The following NCAPD2 variants were observed in gnomAD, a reference collection of about 807,000 sequenced individuals.
NCAPD2 encodes condensin complex subunit 1.
A neutral mutation model predicts 164.5 loss-of-function variants in NCAPD2; 100 were observed. The observed-to-expected ratio is 0.61, with a 90% CI of 0.52 to 0.72. The LOEUF is 0.72. NCAPD2 is among the 30% of genes least tolerant of loss of function. The pLI is 0.00. For synonymous variants in NCAPD2, 585 were observed against 642.6 expected, an observed-to-expected ratio of 0.91 and a Z score of 1.36; for missense variants, 1,560 against 1,749.2, an observed-to-expected ratio of 0.89 and a Z score of 1.93.
chr12:6,518,522 T>TGTTTTTTG (rs1946232194), intron 13 of NCAPD2, among the ~76,000 whole-genome samples: 1 of 119,586 alleles, frequency 8.4e-6, no homozygotes, highest in Non-Finnish European at 1.7e-5. Context: ...TTTTTTTTTT[T>TGTTTTTTG]TTTTTTTTTT....
intron 29 of NCAPD2, 127 bp downstream of exon 29, chr12:6,530,085 C>A: frequency 2.0e-6 from 2 of 1,017,346 alleles, no homozygotes; most frequent in Non-Finnish European, 2.8e-6. Flanking sequence ...GGGTTGCAAC[C>A]AAATTGCCAG....
At position 6,529,929 on chromosome 12, in the gene NCAPD2, C is replaced by A; in HGVS notation, c.3808C>A (p.Leu1270Met). The A allele has an allele frequency of 6.2e-7, 1 of 1,614,000 alleles. No homozygotes were observed. The highest frequency in any genetic ancestry group is 8.5e-7 in the Non-Finnish European group (1 of 1,179,890). ...TGCTTTTTTGTCAGTTGTAGGCAAG[C>A]TGCGACGTGGGGCCAAGCCTGAGGG... The part of the protein sequence containing the change: ...FSAFLSVVGK[L>M]RRGAKPEGKA... The change falls in exon 29 of 32, where the codon CTG (leucine) becomes ATG (methionine). Residue 1270 changes from leucine (L) to methionine (M), a missense_variant. Transcript: ENST00000315579.
chr12:6,526,355 G>C lies in NCAPD2; in HGVS notation c.2550G>C (p.Arg850=). 2 of 1,614,112 alleles carry C rather than the reference G, an allele frequency of 1.2e-6. No individual in the cohort carries two copies. The highest frequency in any genetic ancestry group is 1.7e-6 in the Non-Finnish European group (2 of 1,180,010). ...AACACAGGTTGTTTGAGCGACTGCG[G>C]GAGACAGTCACAAAAGGTGAGCTCT... is the stretch of plus-strand genomic sequence containing the variant. ...PQEHRLFERL[R]ETVTKGFVHP... The change falls in exon 20 of 32, where the codon CGG becomes CGC. Residue 850 remains arginine (R), a synonymous_variant. Coordinates refer to ENST00000315579, the MANE Select transcript of NCAPD2 (RefSeq NM_014865.4).
chr12:6,512,721 A>G (rs1488805664), intron 6 of NCAPD2, among the ~76,000 whole-genome samples: 1 of 152,320 alleles, frequency 6.6e-6, no homozygotes, highest in Non-Finnish European at 1.5e-5. Flanking sequence ...GAAATCGACT[A>G]TGGAGGGAAA....
intron 2 of NCAPD2, among the ~76,000 whole-genome samples, chr12:6,502,673 A>G (rs930917166): frequency 2.0e-5 from 3 of 151,862 alleles, no homozygotes; most frequent in Admixed American, 6.6e-5. Context: ...TATAAGGCCG[A>G]GTGTGGTGGC....
chr12:6,522,005 T>C lies in NCAPD2; in HGVS notation c.1922T>C (p.Ile641Thr). Residue 641 changes from isoleucine (I) to threonine (T), a missense_variant, in exon 15 of 32, where the codon ATC (isoleucine) becomes ACC (threonine). Coordinates refer to ENST00000315579, the MANE Select transcript of NCAPD2 (RefSeq NM_014865.4). ...SRKITEAIGI[I>T]SKMMYENTTT... Reference sequence around the variant, plus strand: ...AAGATTACAGAGGCCATTGGCATCATCAGCAAGATGATGTATGAAAACACA... The same window carrying C: ...AAGATTACAGAGGCCATTGGCATCACCAGCAAGATGATGTATGAAAACACA... 1.9e-6 allele frequency: 3 copies of C among 1,614,158 alleles called. No homozygotes were observed. The highest frequency in any genetic ancestry group is 2.5e-6 in the Non-Finnish European group (3 of 1,180,002).
chr12:6,518,504 G>GTTTTTTTTTTTTTTTGT (rs1946227130), intron 13 of NCAPD2, among the ~76,000 whole-genome samples: 6 of 44,782 alleles, frequency 1.3e-4, no homozygotes, highest in African/African-American at 5.1e-4. Flanking sequence ...CCGTCAACAA[G>GTTTTTTTTTTTTTTTGT]TTTTTTTTTT....
At position 6,528,884 on chromosome 12, in the gene NCAPD2, G is replaced by C; in HGVS notation, c.3477+28G>C. The C allele has an allele frequency of 6.2e-7, 1 of 1,613,038 alleles. No homozygotes were observed. Among genetic ancestry groups the C allele is most frequent in the African/African-American group, 1.3e-5 (1 of 75,042 alleles). The stretch of plus-strand genomic sequence containing the variant: ...GAGAGGCAGAGAGGCACTGAGGGCT[G>C]GCTGCAGAGGGAATCTGTAGGTCAC... On this transcript the variant is annotated intron_variant, in intron 26 of 31. Transcript: ENST00000315579. This position sits in a 1 kb window ranked among gnomAD's most constrained non-coding sequence, Gnocchi z 5.1.
Position 6,531,296 on chromosome 12 carries a change from C to G in NCAPD2, c.4121-31C>G. The G allele has an allele frequency of 6.2e-7, 1 of 1,600,034 alleles. No homozygotes were observed. The highest frequency in any genetic ancestry group is 8.5e-7 in the Non-Finnish European group (1 of 1,170,000). On this transcript the variant is annotated intron_variant, in intron 31 of 31. Coordinates refer to ENST00000315579, the MANE Select transcript of NCAPD2 (RefSeq NM_014865.4). This position sits in a 1 kb window ranked among gnomAD's most constrained non-coding sequence, Gnocchi z 4.1. ...TTTTTTCACCATCTTTGTGACTCAG[C>G]TTTTTCTTATTCCTTTAATTCTTTG...
In NCAPD2 at chr12:6,528,526, TC is replaced by T. The variant is rs1462256757; in HGVS notation, c.3300-148del. The T allele has an allele frequency of 1.7e-6, 2 of 1,143,282 alleles. No individual in the cohort carries two copies. The highest frequency in any genetic ancestry group is 2.4e-5 in the Admixed American group (1 of 42,210). 70.8% of individuals were successfully genotyped at this position (1,143,282 alleles called of 1,614,324 possible). On this transcript the variant is annotated intron_variant, in intron 25 of 31. Coordinates refer to ENST00000315579, the MANE Select transcript of NCAPD2 (RefSeq NM_014865.4). This position sits in a 1 kb window ranked among gnomAD's most constrained non-coding sequence, Gnocchi z 5.1. ...CTTCTGGTTAGAAGCTTCACCTCTTTCCCCCACTCCAGCTTTCAACTCTAGA... is the reference window on the plus strand; with the variant it reads ...CTTCTGGTTAGAAGCTTCACCTCTTTCCCCACTCCAGCTTTCAACTCTAGA...
intron 2 of NCAPD2, among the ~76,000 whole-genome samples, chr12:6,498,215 C>G (rs1946002177): frequency 6.6e-6 from 1 of 151,908 alleles, no homozygotes; most frequent in Non-Finnish European, 1.5e-5. Flanking sequence ...AGCCAAGAGT[C>G]CTTTTTAAAA....
chr12:6,497,442 TC>T (rs2137034473), intron 2 of NCAPD2, among the ~76,000 whole-genome samples: 1 of 152,060 alleles, frequency 6.6e-6, no homozygotes, highest in South Asian at 2.1e-4. Context: ...TTTCTTATGC[TC>T]CCCCTCCCCC....
At chr12:6,506,880 GA>G (rs1463063900) in intron 2 of NCAPD2, among the ~76,000 whole-genome samples, 1 of 152,018 alleles carries the variant, frequency 6.6e-6, no homozygotes, top group African/African-American at 2.4e-5. Flanking sequence ...TATATTTACT[GA>G]AAAAAATTAG....
At position 6,523,306 on chromosome 12, in the gene NCAPD2, T is replaced by C. The variant is rs1436989464; in HGVS notation, c.2174T>C (p.Val725Ala). Reference sequence around the variant, plus strand: ...ATTCAGAATCTCTCTCTGCTGCTAGTGGATGCCTCGGTTGGGACCATTCAG... The same window carrying C: ...ATTCAGAATCTCTCTCTGCTGCTAGCGGATGCCTCGGTTGGGACCATTCAG... ...ALIQNLSLLL[V>A]DASVGTIQCL... The change falls in exon 17 of 32, where the codon GTG (valine) becomes GCG (alanine). Residue 725 changes from valine (V) to alanine (A), a missense_variant. Transcript: ENST00000315579. 4 of 1,614,126 alleles carry C rather than the reference T, an allele frequency of 2.5e-6. No individual in the cohort carries two copies. The highest frequency in any genetic ancestry group is 1.1e-5 in the South Asian group (1 of 91,084).
At chr12:6,516,270 G>A (rs775010755) in intron 9 of NCAPD2, among the ~76,000 whole-genome samples, 8 of 151,572 alleles carry the variant, frequency 5.3e-5, no homozygotes, top group East Asian at 3.9e-4. Flanking sequence ...TTGGGAGGCC[G>A]AGGAGGGTGG....
chr12:6,525,986 T>G (rs1029736210), intron 18 of NCAPD2, 82 bp from the exon 19 acceptor site: 2 of 1,540,270 alleles, frequency 1.3e-6, no homozygotes, highest in Non-Finnish European at 8.8e-7. Context: ...CATGAGGTGC[T>G]GGTACCTACC....
chr12:6,506,310 G>A (rs1038639864), intron 2 of NCAPD2, among the ~76,000 whole-genome samples: 9 of 152,002 alleles, frequency 5.9e-5, no homozygotes, highest in Admixed American at 2.6e-4. Context: ...ATATTTGGCC[G>A]GGCACGGTGG....
Position 6,517,867 on chromosome 12 carries a change from AGAG to A in NCAPD2, c.1504_1506del (p.Glu502del), listed in dbSNP as rs542678444. On this transcript the variant is annotated inframe_deletion, in exon 13 of 32. Transcript: ENST00000315579. Reference sequence around the variant, plus strand: ...AGCAGCTTCTACAGCTTCCCCAGGGAGAGGAGGAGATTCCTGAGCAAATTGCCA... The same window carrying A: ...AGCAGCTTCTACAGCTTCCCCAGGGAGAGGAGATTCCTGAGCAAATTGCCA... 1.7e-4 allele frequency: 278 copies of A among 1,614,072 alleles called. No individual in the cohort carries two copies. The highest frequency in any genetic ancestry group is 3.3e-4 in the Middle Eastern group (2 of 6,062).
intron 6 of NCAPD2, among the ~76,000 whole-genome samples, chr12:6,512,844 T>G (rs1426253432): frequency 6.6e-6 from 1 of 152,178 alleles, no homozygotes; most frequent in Non-Finnish European, 1.5e-5. Context: ...GATTCTATAC[T>G]TTTTCCTTAA....
Sources: allele counts gnomAD v4.1 joint callset (sites outside exome capture counted in the v4.1 genomes callset), GRCh38; gene constraint gnomAD v4.1.1; non-coding constraint Gnocchi (gnomAD v3.1); transcripts MANE v1.5; gene names NCBI Gene and HGNC (gene_info 2026-07-23, HGNC 2026-07-21).